The following UCHL3 variants were observed in gnomAD, a reference collection of about 807,000 sequenced individuals.
UCHL3 encodes ubiquitin C-terminal hydrolase L3.
In UCHL3, 22 loss-of-function variants were observed where a neutral mutation model predicts 35.8. That is an observed-to-expected ratio of 0.61 (90% CI 0.44 to 0.88). The LOEUF (loss-of-function observed/expected upper bound fraction) is 0.88. Ranked by LOEUF, UCHL3 falls within the 40% of genes least tolerant of loss-of-function variation. The probability of loss-of-function intolerance (pLI) is 0.00; values close to 1 mark genes in which losing one functional copy is unlikely to be tolerated. For missense variants in UCHL3, 229 were observed against 276.9 expected (o/e 0.83, Z 1.23); for synonymous variants, 90 against 92.8 (o/e 0.97, Z 0.17).
At chr13:75,601,548 G>A (rs1198127666) in intron 7 of UCHL3, among the ~76,000 whole-genome samples, 1 of 152,140 alleles carries the variant, frequency 6.6e-6, no homozygotes, top group Non-Finnish European at 1.5e-5. Context: ...GCATTTTTAG[G>A]AATAAAGTGT....
rs540607886 is a variant in UCHL3 at position 75,577,051 on chromosome 13, A to G, written c.474+7544A>G. 2.0e-5 allele frequency among the ~76,000 whole-genome samples: 3 copies of G among 152,198 alleles called. No homozygotes were observed. The East Asian group carries it at 5.8e-4, about 29-fold the overall frequency. Reference sequence around the variant, plus strand: ...GATCGCTTGAGGCCAGGAGTTTGAGACCAGCCTGGGCAACATAGTGAGACC... The same window carrying G: ...GATCGCTTGAGGCCAGGAGTTTGAGGCCAGCCTGGGCAACATAGTGAGACC... On this transcript the variant is annotated intron_variant, in intron 6 of 8. Transcript: ENST00000377595.
intron 6 of UCHL3, chr13:75,590,148 C>T: frequency 3.1e-6 from 4 of 1,296,318 alleles, no homozygotes; most frequent in Non-Finnish European, 4.1e-6. Context: ...AGTCAATCTT[C>T]CGTCTCTTCT....
intron 6 of UCHL3, among the ~76,000 whole-genome samples, chr13:75,573,251 C>T (rs1186180908): frequency 1.5e-5 from 2 of 133,594 alleles, no homozygotes; most frequent in African/African-American, 2.9e-5. Flanking sequence ...GCAACAAGAG[C>T]GAGACTCTGT....
intron 6 of UCHL3, among the ~76,000 whole-genome samples, chr13:75,592,433 T>TATATATATACATATATAC (rs2032513160): frequency 2.0e-5 from 2 of 99,112 alleles, no homozygotes; most frequent in Non-Finnish European, 4.1e-5. Flanking sequence ...TATATATATA[T>TATATATATACATATATAC]ATATATATAT....
At chr13:75,598,422 C>T (rs926755477) in intron 7 of UCHL3, among the ~76,000 whole-genome samples, 10 of 152,284 alleles carry the variant, frequency 6.6e-5, no homozygotes, top group South Asian at 2.1e-4. Flanking sequence ...TACAGTTTTC[C>T]TGATTATCAC....
chr13:75,585,237 T>A (rs1019226699), intron 6 of UCHL3, among the ~76,000 whole-genome samples: 2 of 152,116 alleles, frequency 1.3e-5, no homozygotes, highest in African/African-American at 4.8e-5. Flanking sequence ...CCTACTGAGA[T>A]ACATTAAAAT....
At chr13:75,567,186 G>C (rs1425019393) in intron 4 of UCHL3, 41 bp from the exon 5 acceptor site, 4 of 1,569,014 alleles carry the variant, frequency 2.5e-6, no homozygotes, top group Admixed American at 3.4e-5. Flanking sequence ...TCTCTCTGCT[G>C]TATCAAGCCT....
Sources: gnomAD v4.1 joint callset for allele counts (sites outside exome capture counted in the v4.1 genomes callset) on GRCh38, gnomAD v4.1.1 for gene constraint, MANE v1.5 for transcripts, NCBI Gene and HGNC (gene_info 2026-07-23, HGNC 2026-07-21) for gene names.